The following TTLL7 variants were observed in gnomAD, a reference collection of about 807,000 sequenced individuals.
The protein encoded by TTLL7 is tubulin polyglutamylase TTLL7.
A neutral mutation model predicts 120.2 loss-of-function variants in TTLL7; 53 were observed. The observed-to-expected ratio is 0.44, with a 90% CI of 0.35 to 0.55. The LOEUF is 0.55. Among genes scored for constraint, TTLL7 ranks in the 20% least tolerant of loss-of-function variants. The pLI is 0.00. For synonymous variants in TTLL7, 353 were observed against 351.7 expected, an observed-to-expected ratio of 1.00 and a Z score of -0.04; for missense variants, 803 against 1,054.7, an observed-to-expected ratio of 0.76 and a Z score of 3.31.
chr1:83,938,013 G>C lies in TTLL7; in HGVS notation c.727C>G (p.Gln243Glu), dbSNP rs766854354. The change falls in exon 8 of 21, where the codon CAG becomes GAG. Residue 243 changes from glutamine (Q) to glutamate (E), a missense_variant. Physicochemically the swap from Gln to Glu is conservative, Grantham distance 29. This residue lies in a region of TTLL7 where 324 missense variants were observed against 507.7 expected (regional missense o/e 0.64). Transcript: ENST00000260505. ...TAGTTTGTCAGATGCATGTATAACT[G>C]GGTCTGTAACAAGTAAGAACCAAAG... ...YIPPNESNLT[Q>E]LYMHLTNYSV... is the part of the protein sequence containing the mutation. 3.1e-6 allele frequency: 5 copies of C among 1,613,636 alleles called. No homozygotes were observed. In the Admixed American group the frequency reaches 8.3e-5, roughly 27 times the overall value.
intron 9 of TTLL7, 44 bp from the exon 10 acceptor site, chr1:83,929,274 TCA>T: frequency 7.1e-7 from 1 of 1,413,150 alleles, no homozygotes; most frequent in Non-Finnish European, 9.9e-7. Flanking sequence ...AAATAAATAT[TCA>T]ATACATATTT....
intron 1 of TTLL7, among the ~76,000 whole-genome samples, chr1:83,996,150 A>G (rs1321731616): frequency 6.6e-6 from 1 of 152,194 alleles, no homozygotes; most frequent in Non-Finnish European, 1.5e-5. Flanking sequence ...TTATATTCTT[A>G]AACTTTCCAA....
At chr1:83,894,471 C>T (rs1253676708) in intron 18 of TTLL7, among the ~76,000 whole-genome samples, 3 of 152,030 alleles carry the variant, frequency 2.0e-5, no homozygotes, top group African/African-American at 4.8e-5. Flanking sequence ...ATGTATCATC[C>T]GCCTGCTCTA....
At chr1:83,987,875 T>C (rs539904568) in intron 1 of TTLL7, among the ~76,000 whole-genome samples, 1 of 152,288 alleles carries the variant, frequency 6.6e-6, no homozygotes, top group Non-Finnish European at 1.5e-5. Context: ...TGTTTATTTA[T>C]TCTATAATTT....
At chr1:83,952,043 C>A in intron 2 of TTLL7, 67 bp from the exon 3 acceptor site, 2 of 1,518,120 alleles carry the variant, frequency 1.3e-6, no homozygotes, top group South Asian at 1.2e-5. Flanking sequence ...AACACAAATA[C>A]CACCCCCACC....
chr1:83,891,261 T>A (rs1371959727), intron 18 of TTLL7, among the ~76,000 whole-genome samples: 1 of 152,000 alleles, frequency 6.6e-6, no homozygotes, highest in East Asian at 1.9e-4. Context: ...AAAGAATGTT[T>A]ACCAAAATTT....
chr1:83,968,636 A>G (rs1219532693), intron 1 of TTLL7, among the ~76,000 whole-genome samples: 1 of 152,056 alleles, frequency 6.6e-6, no homozygotes, highest in Non-Finnish European at 1.5e-5. Context: ...TTTAACATTG[A>G]GACTAGGAAA....
chr1:83,936,902 GTT>G (rs1420638221), intron 8 of TTLL7, among the ~76,000 whole-genome samples: 1 of 152,132 alleles, frequency 6.6e-6, no homozygotes, highest in African/African-American at 2.4e-5. Flanking sequence ...AATTATCACA[GTT>G]CCCAGAACAT....
chr1:83,889,329 G>A (rs547179501), intron 19 of TTLL7, among the ~76,000 whole-genome samples: 4 of 152,132 alleles, frequency 2.6e-5, no homozygotes, highest in Admixed American at 6.6e-5. Context: ...CCCATGACAC[G>A]TGGGGATTAT....
chr1:83,965,847 G>C (rs1166592505), intron 1 of TTLL7, among the ~76,000 whole-genome samples: 2 of 152,024 alleles, frequency 1.3e-5, no homozygotes, highest in Admixed American at 1.3e-4. Flanking sequence ...CAAAGATCTA[G>C]AGTCTGACAA....
chr1:83,985,601 C>A (rs890768081), intron 1 of TTLL7, among the ~76,000 whole-genome samples: 1 of 152,032 alleles, frequency 6.6e-6, no homozygotes, highest in Non-Finnish European at 1.5e-5. Context: ...TCACCAACAT[C>A]AAAAATGAAA....
At position 83,869,859 on chromosome 1, in the gene TTLL7, T is replaced by C; in HGVS notation, c.*103A>G. The C allele has an allele frequency of 3.8e-6, 5 of 1,330,460 alleles. No homozygotes were observed. The highest frequency in any genetic ancestry group is 2.4e-5 in the Admixed American group (1 of 41,044). 82.4% of individuals were successfully genotyped at this position (1,330,460 alleles called of 1,614,324 possible). A position where few individuals can be genotyped will look rare whatever the true frequency, so the allele number is the denominator to read the frequency against. On this transcript the variant is annotated 3_prime_UTR_variant, in exon 21 of 21. Transcript: ENST00000260505. The stretch of plus-strand genomic sequence containing the variant: ...TTTTCACACATATATATGTCTTATA[T>C]ACATAAAACAGCACTTAATGGTCAT...
chr1:83,944,703 G>A (rs1273979807), intron 6 of TTLL7, among the ~76,000 whole-genome samples: 2 of 152,166 alleles, frequency 1.3e-5, no homozygotes, highest in Non-Finnish European at 2.9e-5. Flanking sequence ...GTGACAGAGC[G>A]AGACTCCGTC....
intron 18 of TTLL7, among the ~76,000 whole-genome samples, chr1:83,903,220 C>T (rs74968352): frequency 0.041 from 6,264 of 152,024 alleles, 154 homozygotes; most frequent in Middle Eastern, 0.099. Context: ...CACCATTTTC[C>T]AGCTAAAACA....
chr1:83,872,948 TCAAATCCATA>T (rs1436014600), intron 20 of TTLL7, among the ~76,000 whole-genome samples: 2 of 152,186 alleles, frequency 1.3e-5, no homozygotes, highest in African/African-American at 4.8e-5. Flanking sequence ...GAGCCAGGAT[TCAAATCCATA>T]CAGGCTAGCT....
At chr1:83,942,073 T>C (rs537793486) in intron 7 of TTLL7, among the ~76,000 whole-genome samples, 1 of 152,204 alleles carries the variant, frequency 6.6e-6, no homozygotes, top group Non-Finnish European at 1.5e-5. Flanking sequence ...ACCTCCTCCA[T>C]GAGAAGCTGA....
chr1:83,997,769 A>G (rs1653616889), intron 1 of TTLL7, among the ~76,000 whole-genome samples: 1 of 152,204 alleles, frequency 6.6e-6, no homozygotes, highest in Non-Finnish European at 1.5e-5. Flanking sequence ...AACATTTAAG[A>G]CAGAAAAAGA....
At chr1:83,943,892 C>A (rs1288407124) in intron 6 of TTLL7, among the ~76,000 whole-genome samples, 1 of 151,904 alleles carries the variant, frequency 6.6e-6, no homozygotes, top group Admixed American at 6.6e-5. Flanking sequence ...GTACAAAGAA[C>A]TGAAAGAAAC....
chr1:83,915,523 T>C (rs1355756728), intron 14 of TTLL7, among the ~76,000 whole-genome samples: 1 of 152,116 alleles, frequency 6.6e-6, no homozygotes, highest in African/African-American at 2.4e-5. Context: ...ATGTTAGACC[T>C]AAAACCATAA....
Sources: gnomAD v4.1 joint callset for allele counts (sites outside exome capture counted in the v4.1 genomes callset) on GRCh38, gnomAD v4.1.1 for gene constraint, gnomAD v4.1.1 regional missense constraint, MANE v1.5 for transcripts, NCBI Gene and HGNC (gene_info 2026-07-23, HGNC 2026-07-21) for gene names.